Variants in NCOR2 observed in about 807,000 individuals in gnomAD.
NCOR2 encodes CTG repeat protein 26.
Under a neutral mutation model 262.9 loss-of-function variants are expected in NCOR2, and 81 were observed. That is an observed-to-expected ratio of 0.31 (90% CI 0.26 to 0.37). The LOEUF (loss-of-function observed/expected upper bound fraction) is 0.37, where lower values mean the gene tolerates loss of function less well. Ranked by LOEUF, NCOR2 falls within the 10% of genes least tolerant of loss-of-function variation. The pLI is 1.00. For missense variants in NCOR2, 3,385 were observed against 3,621.4 expected (o/e 0.93, Z 1.68); for synonymous variants, 1,659 against 1,559.3 (o/e 1.06, Z -1.51).
At chr12:124,360,510 G>C (rs1207393632) in intron 22 of NCOR2, among the ~76,000 whole-genome samples, 2 of 152,178 alleles carry the variant, frequency 1.3e-5, no homozygotes, top group African/African-American at 2.4e-5. Context: ...ATACAAATCA[G>C]ATAACAAGCA....
chr12:124,520,830 G>A (rs948765270), intron 1 of NCOR2, among the ~76,000 whole-genome samples: 18 of 152,168 alleles, frequency 1.2e-4, no homozygotes, highest in African/African-American at 2.4e-4. Context: ...AAAATCTGCC[G>A]ACAGGCCGCT....
rs188453894 is a variant in NCOR2, at chr12:124,339,988, C to T, written c.5687+18G>A. ...CCATCCACCTGCCCGCCCCCTCCCC[C>T]ATGCCAACCTGGCCCACCTCAGGAC... On this transcript the variant is annotated intron_variant, in intron 37 of 46. Coordinates refer to ENST00000405201, the Ensembl canonical transcript of NCOR2. 630 of 1,610,476 alleles carry T rather than the reference C, an allele frequency of 3.9e-4. 1 individual carries two copies. The African/African-American group carries it at 7.4e-3, about 19-fold the overall frequency.
intron 22 of NCOR2, among the ~76,000 whole-genome samples, chr12:124,360,028 G>A (rs2135951858): frequency 6.6e-6 from 1 of 152,356 alleles, no homozygotes; most frequent in African/African-American, 2.4e-5. Flanking sequence ...CGGGCTGAGT[G>A]CCAGCCGCGG....
chr12:124,470,445 A>T (rs2046774708), intron 4 of NCOR2, among the ~76,000 whole-genome samples: 1 of 152,232 alleles, frequency 6.6e-6, no homozygotes. Flanking sequence ...CCACAGCCCA[A>T]ATGGCCACAG....
At chr12:124,437,520 C>T (rs2044417472) in intron 8 of NCOR2, among the ~76,000 whole-genome samples, 2 of 152,192 alleles carry the variant, frequency 1.3e-5, no homozygotes, top group African/African-American at 4.8e-5. Context: ...CCCAGTGCAC[C>T]AGGAAAGGCT....
intron 1 of NCOR2, among the ~76,000 whole-genome samples, chr12:124,563,883 T>C (rs1594083294): frequency 6.6e-6 from 1 of 152,216 alleles, no homozygotes; most frequent in Non-Finnish European, 1.5e-5. Context: ...GCAAAGCAGG[T>C]CTGCAGTAAA....
At chr12:124,494,493 G>A (rs1310253389) in intron 1 of NCOR2, among the ~76,000 whole-genome samples, 1 of 152,226 alleles carries the variant, frequency 6.6e-6, no homozygotes, top group African/African-American at 2.4e-5. Flanking sequence ...GCTGGGAAGT[G>A]GGGTGGGGTG....
chr12:124,358,203 C>T (rs372679843), intron 22 of NCOR2, among the ~76,000 whole-genome samples: 14 of 146,504 alleles, frequency 9.6e-5, no homozygotes, highest in East Asian at 8.2e-4. Context: ...TGTGTGTGCG[C>T]GTGCATGTGC....
chr12:124,343,260 TGGGGCTGGCATTTAC>T, intron 32 of NCOR2, 34 bp from the exon 35 acceptor site: 1 of 1,584,124 alleles, frequency 6.3e-7, no homozygotes, highest in Non-Finnish European at 8.6e-7. Flanking sequence ...ATCGGGCCTC[TGGGGCTGGCATTTAC>T]GGGGAGTTGT....
intron 33 of NCOR2, 43 bp downstream of exon 35, chr12:124,342,962 G>C (rs753182782): frequency 1.3e-5 from 21 of 1,601,030 alleles, no homozygotes; most frequent in Admixed American, 1.7e-5. Context: ...CCGTGGCCCT[G>C]TTCAGCACCA....
intron 1 of NCOR2, among the ~76,000 whole-genome samples, chr12:124,506,896 A>G (rs1212858452): frequency 1.3e-5 from 2 of 152,328 alleles, no homozygotes; most frequent in African/African-American, 4.8e-5. Flanking sequence ...AGTGGGGCTC[A>G]GGGAGCTGGG....
intron 7 of NCOR2, among the ~76,000 whole-genome samples, chr12:124,441,564 G>A (rs1370200582): frequency 1.3e-5 from 2 of 152,242 alleles, no homozygotes; most frequent in Admixed American, 6.5e-5. Flanking sequence ...AAGATCCGGG[G>A]ATGAATGCTA....
rs760553043 is a variant in NCOR2, at chr12:124,354,795, G to A, written c.3484+42C>T. On this transcript the variant is annotated intron_variant, in intron 25 of 46. Transcript: ENST00000405201. Reference sequence around the variant, plus strand: ...CCGCCCCACCCACAGGACAGCCAGAGCCCAGCCTGAGCCACCCAGACGGAT... The same window carrying A: ...CCGCCCCACCCACAGGACAGCCAGAACCCAGCCTGAGCCACCCAGACGGAT... The A allele has an allele frequency of 9.5e-6, 15 of 1,582,836 alleles. No individual in the cohort carries two copies. The East Asian group carries it at 3.1e-4, about 33-fold the overall frequency.
upstream of NCOR2, among the ~76,000 whole-genome samples, chr12:124,499,941 G>T (rs904392344): frequency 6.6e-6 from 1 of 152,154 alleles, no homozygotes; most frequent in Non-Finnish European, 1.5e-5. Context: ...TGGGCAGGTG[G>T]ATGAAAGTCA....
intron 22 of NCOR2, among the ~76,000 whole-genome samples, chr12:124,359,123 G>A (rs1486568133): frequency 6.6e-6 from 1 of 152,212 alleles, no homozygotes. Context: ...TGGCTTCATG[G>A]CATCTTCCTG....
intron 8 of NCOR2, among the ~76,000 whole-genome samples, chr12:124,437,429 C>A (rs2044409885): frequency 6.6e-6 from 1 of 152,326 alleles, no homozygotes; most frequent in East Asian, 1.9e-4. Flanking sequence ...TTGGATGAGG[C>A]CACTGGCCAC....
intron 13 of NCOR2, among the ~76,000 whole-genome samples, chr12:124,405,969 C>T (rs987707545): frequency 1.3e-5 from 2 of 152,172 alleles, no homozygotes; most frequent in South Asian, 4.1e-4. Flanking sequence ...GGGAGCCCTG[C>T]GAAGTCCTGA....
At chr12:124,402,888 C>G (rs549383087) in intron 13 of NCOR2, among the ~76,000 whole-genome samples, 3 of 152,272 alleles carry the variant, frequency 2.0e-5, no homozygotes, top group Admixed American at 6.5e-5. Flanking sequence ...CTTAACCTCT[C>G]TGTGCCGACT....
chr12:124,350,620 CGTAGATGACGTG>C (rs1566380301), exon 28 of NCOR2: 1 of 1,613,998 alleles, frequency 6.2e-7, no homozygotes, highest in Non-Finnish European at 8.5e-7. Context: ...TTCTTGCCTT[CGTAGATGACGTG>C]GCCCTTGGGC....
Sources: allele counts gnomAD v4.1 joint callset (sites outside exome capture counted in the v4.1 genomes callset), GRCh38; gene constraint gnomAD v4.1.1; transcripts MANE v1.5; gene names NCBI Gene and HGNC (gene_info 2026-07-23, HGNC 2026-07-21).